KITLG: variants seen among roughly 807,000 people sequenced by gnomAD.
KITLG encodes the protein KIT ligand, also known as c-Kit ligand.
In KITLG, 13 loss-of-function variants were observed where a neutral mutation model predicts 34.1. The observed-to-expected ratio is 0.38, with a 90% confidence interval of 0.25 to 0.61. The LOEUF is 0.61. Ranked by LOEUF, KITLG falls within the 20% of genes least tolerant of loss-of-function variation. The probability of loss-of-function intolerance (pLI) is 0.60; values close to 1 mark genes in which losing one functional copy is unlikely to be tolerated. For missense variants in KITLG, 292 were observed against 318.9 expected (o/e 0.92, Z 0.64); for synonymous variants, 110 against 104.0 (o/e 1.06, Z -0.35).
At chr12:88,544,883 A>C (rs139280555) in intron 2 of KITLG, among the ~76,000 whole-genome samples, 282 of 152,222 alleles carry the variant, frequency 1.9e-3, no homozygotes, top group African/African-American at 6.6e-3. Context: ...GTACCTCAAA[A>C]AATAAACTTT....
In KITLG at chr12:88,580,256, C is replaced by T. The variant is rs777844789; in HGVS notation, c.15+8G>A. On this transcript the variant is annotated splice_region_variant and intron_variant, in intron 1 of 9. Transcript: ENST00000644744. ...GAGCCTGGGAGCTCCCGGGCGCGCC[C>T]TACTCACTTGTGTCTTCTTCATAAG... 4.4e-6 allele frequency: 7 copies of T among 1,608,704 alleles called. No homozygotes were observed. The highest frequency in any genetic ancestry group is 3.4e-5 in the Admixed American group (2 of 59,426).
rs182972479 is a variant in KITLG at position 88,557,795 on chromosome 12, C to T, written c.16-11930G>A. Among the ~76,000 whole-genome samples, 142 of 152,242 alleles carry T rather than the reference C, an allele frequency of 9.3e-4. 1 individual carries two copies. The highest frequency in any genetic ancestry group is 3.3e-3 in the African/African-American group (139 of 41,532). On this transcript the variant is annotated intron_variant, in intron 1 of 9. Transcript: ENST00000644744. ...TTCTGAAATCTGCATCTTCAGCACT[C>T]CATGGACACGGGCACCGTTTACTCT...
intron 6 of KITLG, among the ~76,000 whole-genome samples, chr12:88,514,811 C>T (rs376829876): frequency 2.6e-5 from 4 of 151,656 alleles, no homozygotes; most frequent in African/African-American, 9.6e-5. Flanking sequence ...AATGACAGTG[C>T]CCCATTTATA....
intron 1 of KITLG, among the ~76,000 whole-genome samples, chr12:88,549,457 T>A (rs1388480001): frequency 6.6e-6 from 1 of 152,126 alleles, no homozygotes; most frequent in Non-Finnish European, 1.5e-5. Context: ...GTGGTTAGAT[T>A]CTGGACATCT....
chr12:88,561,252 C>T (rs547617869), intron 1 of KITLG, among the ~76,000 whole-genome samples: 1 of 152,196 alleles, frequency 6.6e-6, no homozygotes, highest in African/African-American at 2.4e-5. Context: ...TAGTATAGTA[C>T]CTGTCAAATA....
chr12:88,514,468 T>G (rs892309177), intron 6 of KITLG, among the ~76,000 whole-genome samples: 3 of 151,686 alleles, frequency 2.0e-5, no homozygotes, highest in Admixed American at 6.6e-5. Flanking sequence ...ATTTTAGAAC[T>G]GATATGCTAC....
chr12:88,533,194 T>C (rs1870166199), intron 2 of KITLG, among the ~76,000 whole-genome samples: 1 of 152,222 alleles, frequency 6.6e-6, no homozygotes, highest in South Asian at 2.1e-4. Flanking sequence ...TTGCCTAGGT[T>C]CTTTTGAAGG....
chr12:88,538,411 AAG>A (rs1462781062), intron 2 of KITLG, among the ~76,000 whole-genome samples: 1 of 151,594 alleles, frequency 6.6e-6, no homozygotes, highest in Non-Finnish European at 1.5e-5. Flanking sequence ...CCTTGTCTGT[AAG>A]ATAAAGAGGG....
chr12:88,564,619 T>G (rs1173620552), intron 1 of KITLG, among the ~76,000 whole-genome samples: 1 of 152,178 alleles, frequency 6.6e-6, no homozygotes, highest in Non-Finnish European at 1.5e-5. Flanking sequence ...TTGGAGCTTT[T>G]CTTTGCAAAT....
chr12:88,501,113 G>C (rs1380844985), intron 9 of KITLG, among the ~76,000 whole-genome samples: 1 of 152,024 alleles, frequency 6.6e-6, no homozygotes, highest in Non-Finnish European at 1.5e-5. Context: ...TTTTGTTGTT[G>C]TTTCTAGTTC....
At chr12:88,517,036 T>G (rs1324831034) in intron 4 of KITLG, among the ~76,000 whole-genome samples, 1 of 150,194 alleles carries the variant, frequency 6.7e-6, no homozygotes, top group Non-Finnish European at 1.5e-5. Flanking sequence ...GTAAATAACC[T>G]ACTGAAACTA....
At chr12:88,497,655 G>T (rs1868693367) in intron 9 of KITLG, among the ~76,000 whole-genome samples, 1 of 152,174 alleles carries the variant, frequency 6.6e-6, no homozygotes, top group Non-Finnish European at 1.5e-5. Context: ...TAGTAAACAG[G>T]GGTGAAGGGA....
At chr12:88,562,509 A>G (rs1280130235) in intron 1 of KITLG, among the ~76,000 whole-genome samples, 2 of 152,242 alleles carry the variant, frequency 1.3e-5, no homozygotes, top group Non-Finnish European at 2.9e-5. Flanking sequence ...GCAGGTGTGA[A>G]GAAGCCCCTC....
chr12:88,562,771 G>A (rs1392963814), intron 1 of KITLG, among the ~76,000 whole-genome samples: 1 of 152,166 alleles, frequency 6.6e-6, no homozygotes, highest in Non-Finnish European at 1.5e-5. Context: ...AAGAAGGGCA[G>A]GGACAACGTA....
chr12:88,514,765 T>A (rs141575150), intron 6 of KITLG, among the ~76,000 whole-genome samples: 4 of 151,844 alleles, frequency 2.6e-5, no homozygotes, highest in African/African-American at 9.6e-5. Context: ...AATTGATTAC[T>A]TCTTTTCACA....
chr12:88,518,070 G>A (rs1869516999), intron 4 of KITLG, among the ~76,000 whole-genome samples: 1 of 152,012 alleles, frequency 6.6e-6, no homozygotes, highest in African/African-American at 2.4e-5. Flanking sequence ...ATAACCTAAC[G>A]TCGACCCTGT....
At chr12:88,524,405 T>A (rs748480027) in intron 3 of KITLG, among the ~76,000 whole-genome samples, 2 of 152,220 alleles carry the variant, frequency 1.3e-5, no homozygotes, top group Non-Finnish European at 2.9e-5. Context: ...CTATTTCTAA[T>A]GAAAATTTAG....
intron 1 of KITLG, among the ~76,000 whole-genome samples, chr12:88,559,511 G>A (rs1343795344): frequency 2.6e-5 from 4 of 152,098 alleles, no homozygotes; most frequent in African/African-American, 9.7e-5. Context: ...AATTCCACAG[G>A]CCATCAAATG....
At chr12:88,512,884 A>C (rs1423986742) in intron 6 of KITLG, among the ~76,000 whole-genome samples, 1 of 151,924 alleles carries the variant, frequency 6.6e-6, no homozygotes, top group African/African-American at 2.4e-5. Context: ...GTATTATAAG[A>C]GATGCTATAG....
Sources: gnomAD v4.1 joint callset for allele counts (sites outside exome capture counted in the v4.1 genomes callset) on GRCh38, gnomAD v4.1.1 for gene constraint, MANE v1.5 for transcripts, NCBI Gene and HGNC (gene_info 2026-07-23, HGNC 2026-07-21) for gene names.